The following ATP6V0A2 variants were observed in gnomAD, a reference collection of about 807,000 sequenced individuals.
The protein encoded by ATP6V0A2 is V-type proton ATPase 116 kDa subunit a 2.
Under a neutral mutation model 104.4 loss-of-function variants are expected in ATP6V0A2, and 58 were observed. The ratio of observed to expected loss-of-function variants is 0.56; its 90% confidence interval spans 0.45 to 0.69. ATP6V0A2 has a LOEUF of 0.69. Ranked by LOEUF, ATP6V0A2 falls within the 30% of genes least tolerant of loss-of-function variation. The probability of loss-of-function intolerance (pLI) is 0.00; values close to 1 mark genes in which losing one functional copy is unlikely to be tolerated. For missense variants in ATP6V0A2, 938 were observed against 1,062.9 expected (o/e 0.88, Z 1.63); for synonymous variants, 376 against 397.9 (o/e 0.95, Z 0.65).
chr12:123,753,987 G>C (rs946894786), intron 17 of ATP6V0A2: 9 of 193,062 alleles, frequency 4.7e-5, no homozygotes, highest in Non-Finnish European at 9.5e-5. Flanking sequence ...GTTTTCCCTG[G>C]TTGGCTCTAC....
rs1038644446 is a variant in ATP6V0A2 at position 123,760,916 on chromosome 12, AT to A, written c.*2892del. 4.6e-5 allele frequency: 7 copies of A among 151,710 alleles called. No individual in the cohort carries two copies. The highest frequency in any genetic ancestry group is 1.5e-5 in the Non-Finnish European group (1 of 67,928). The allele number at this position is 151,710 out of a possible 1,614,324, so 9.4% of individuals were successfully genotyped here. A position where few individuals can be genotyped will look rare whatever the true frequency, so the allele number is the denominator to read the frequency against. On this transcript the variant is annotated 3_prime_UTR_variant, in exon 20 of 20. Transcript: ENST00000330342. Reference sequence around the variant, plus strand: ...CAGTTGTTTATTTAAAAATTTTTTTATTTTTTTTGAGACAGTGTCTCACTCT... The same window carrying A: ...CAGTTGTTTATTTAAAAATTTTTTTATTTTTTTGAGACAGTGTCTCACTCT...
chr12:123,734,072 C>A, intron 7 of ATP6V0A2, 64 bp downstream of exon 7: 1 of 1,298,330 alleles, frequency 7.7e-7, no homozygotes, highest in Non-Finnish European at 1.1e-6. Context: ...AGTTTTCCTT[C>A]AACATCCCTC....
intron 9 of ATP6V0A2, among the ~76,000 whole-genome samples, chr12:123,740,490 C>T (rs780438564): frequency 1.1e-4 from 16 of 152,156 alleles, no homozygotes; most frequent in Non-Finnish European, 2.1e-4. Flanking sequence ...GGATTACAGG[C>T]GTGAGCCATC....
rs768170117 is a variant in ATP6V0A2, at chr12:123,757,958, G to A, written c.2497G>A (p.Ala833Thr). 2 of 1,607,788 alleles carry A rather than the reference G, an allele frequency of 1.2e-6. No homozygotes were observed. The highest frequency in any genetic ancestry group is 1.7e-6 in the Non-Finnish European group (2 of 1,177,962). ...ATTTCAGAACAAATTCTACGTTGGT[G>A]CAGGCACCAAATTTGTTCCTTTCTC... ...VEFQNKFYVG[A>T]GTKFVPFSFS... The change falls in exon 20 of 20, where the codon GCA becomes ACA. Residue 833 changes from alanine to threonine, a missense_variant. By Grantham distance (58) the Ala-to-Thr change is moderately conservative. Coordinates refer to ENST00000330342, the MANE Select transcript of ATP6V0A2 (RefSeq NM_012463.4).
intron 9 of ATP6V0A2, among the ~76,000 whole-genome samples, chr12:123,737,867 T>A (rs1299669594): frequency 6.6e-6 from 1 of 152,262 alleles, no homozygotes; most frequent in Non-Finnish European, 1.5e-5. Context: ...ACTATTCTTT[T>A]CACTTAATAA....
At chr12:123,734,411 A>C (rs1015747814) in intron 7 of ATP6V0A2, among the ~76,000 whole-genome samples, 1 of 152,056 alleles carries the variant, frequency 6.6e-6, no homozygotes, top group Non-Finnish European at 1.5e-5. Flanking sequence ...GGTGAGGAGG[A>C]GGCGCTCAGG....
intron 17 of ATP6V0A2, among the ~76,000 whole-genome samples, chr12:123,753,138 C>G (rs1028137271): frequency 7.0e-6 from 1 of 142,700 alleles, no homozygotes; most frequent in Non-Finnish European, 1.5e-5. Flanking sequence ...GTCTCCCTTA[C>G]CAGTGACCAC....
intron 4 of ATP6V0A2, among the ~76,000 whole-genome samples, chr12:123,725,322 T>C (rs1956439247): frequency 6.6e-6 from 1 of 152,252 alleles, no homozygotes; most frequent in South Asian, 2.1e-4. Flanking sequence ...CCTGTGTTGG[T>C]TGTTTTCAGC....
chr12:123,730,059 T>C lies in ATP6V0A2; in HGVS notation c.648+2150T>C, dbSNP rs1403632917. ...GGAGTTAGGTCTTTTTTTTTTTTTT[T>C]TTTTTTTTTTTTTGAGACAGCGTCT... On this transcript the variant is annotated intron_variant, in intron 6 of 19. Transcript: ENST00000330342. Among the ~76,000 whole-genome samples, 1,071 of 138,452 alleles carry C rather than the reference T, an allele frequency of 7.7e-3. 21 individuals are homozygous for C. The highest frequency in any genetic ancestry group is 0.028 in the African/African-American group (1,003 of 36,134). 90.8% of individuals were successfully genotyped at this position (138,452 alleles called of 152,430 possible).
At chr12:123,729,024 G>A (rs568477053) in intron 6 of ATP6V0A2, among the ~76,000 whole-genome samples, 1 of 152,074 alleles carries the variant, frequency 6.6e-6, no homozygotes, top group African/African-American at 2.4e-5. Context: ...TTTAGACTTC[G>A]CTGTGAAGTT....
chr12:123,735,471 T>A, intron 7 of ATP6V0A2, 60 bp from the exon 8 acceptor site: 1 of 1,488,648 alleles, frequency 6.7e-7, no homozygotes, highest in African/African-American at 1.4e-5. Context: ...GCCGGGGAGG[T>A]GAACGTGTTT....
chr12:123,756,845 T>C lies in ATP6V0A2; in HGVS notation c.2324T>C (p.Met775Thr). The C allele has an allele frequency of 1.9e-6, 3 of 1,614,176 alleles. No individual in the cohort carries two copies. Among genetic ancestry groups the C allele is most frequent in the Non-Finnish European group, 2.5e-6 (3 of 1,180,054 alleles). The part of the protein sequence containing the change: ...QLSDVLWAML[M>T]RVGLRVDTTY... ...TCTGATGTCCTGTGGGCCATGCTGA[T>C]GCGCGTGGGCCTCCGCGTTGACACC... is the stretch of plus-strand genomic sequence containing the variant. The change falls in exon 19 of 20, where the codon ATG (methionine) becomes ACG (threonine). Residue 775 changes from methionine (M) to threonine (T), a missense_variant. Met to Thr is a moderately conservative substitution (Grantham distance 81, BLOSUM62 -1). Coordinates refer to ENST00000330342, the MANE Select transcript of ATP6V0A2 (RefSeq NM_012463.4).
chr12:123,730,328 T>G (rs1047676314), intron 6 of ATP6V0A2, among the ~76,000 whole-genome samples: 2 of 152,084 alleles, frequency 1.3e-5, no homozygotes, highest in Non-Finnish European at 2.9e-5. Context: ...GTGCTGGGAT[T>G]ACAGGCGTGA....
At chr12:123,739,966 T>C (rs1026986813) in intron 9 of ATP6V0A2, among the ~76,000 whole-genome samples, 10 of 152,132 alleles carry the variant, frequency 6.6e-5, no homozygotes, top group Admixed American at 2.0e-4. Flanking sequence ...ACCAGTGATT[T>C]TCAGCCTGGG....
At chr12:123,741,899 C>G (rs767499041) in intron 9 of ATP6V0A2, among the ~76,000 whole-genome samples, 28 of 152,208 alleles carry the variant, frequency 1.8e-4, no homozygotes, top group Non-Finnish European at 2.9e-4. Flanking sequence ...CCTAACCTCA[C>G]TGATGGTTTT....
Position 123,743,779 on chromosome 12 carries a change from T to C in ATP6V0A2, c.1039-6T>C. The C allele has an allele frequency of 6.2e-7, 1 of 1,614,026 alleles. No homozygotes were observed. Among genetic ancestry groups the C allele is most frequent in the Non-Finnish European group, 8.5e-7 (1 of 1,179,850 alleles). On this transcript the variant is annotated splice_region_variant and splice_polypyrimidine_tract_variant and intron_variant, in intron 9 of 19. Coordinates refer to ENST00000330342, the MANE Select transcript of ATP6V0A2 (RefSeq NM_012463.4). ...AATTTTTTATCTTTCCTTGTTTATGTGGAAGAGAGAGAGTGGTGCTACAAT... is the reference window on the plus strand; with the variant it reads ...AATTTTTTATCTTTCCTTGTTTATGCGGAAGAGAGAGAGTGGTGCTACAAT...
chr12:123,734,574 A>G (rs10732574), intron 7 of ATP6V0A2, among the ~76,000 whole-genome samples: 91,266 of 152,150 alleles, frequency 0.6, 28,035 homozygotes, highest in East Asian at 0.95. Flanking sequence ...GGTAAAAGAC[A>G]TCAGTTCGGC....
chr12:123,726,044 G>T (rs189041321), intron 4 of ATP6V0A2, among the ~76,000 whole-genome samples, 153 bp from the exon 5 acceptor site: 37 of 152,266 alleles, frequency 2.4e-4, no homozygotes, highest in Admixed American at 2.1e-3. Context: ...CATTTATGAG[G>T]ATTGAGTTAT....
chr12:123,719,811 C>T (rs1454765834), intron 2 of ATP6V0A2, among the ~76,000 whole-genome samples: 1 of 152,100 alleles, frequency 6.6e-6, no homozygotes, highest in Non-Finnish European at 1.5e-5. Flanking sequence ...CCATCCGGAC[C>T]ACACAGGGGG....
Sources: gnomAD v4.1 joint callset for allele counts (sites outside exome capture counted in the v4.1 genomes callset) on GRCh38, gnomAD v4.1.1 for gene constraint, MANE v1.5 for transcripts, NCBI Gene and HGNC (gene_info 2026-07-23, HGNC 2026-07-21) for gene names.